Variants in CEP112 observed in about 807,000 individuals in gnomAD.
CEP112 encodes the protein centrosomal protein of 112 kDa.
CEP112 carries 127 observed loss-of-function variants against 153.0 expected under a neutral mutation model. The observed-to-expected ratio is 0.83, with a 90% confidence interval of 0.72 to 0.96. CEP112 has a LOEUF of 0.96. Among genes scored for constraint, CEP112 ranks in the 40% least tolerant of loss-of-function variants. The pLI is 0.00. For synonymous variants in CEP112, 358 were observed against 374.4 expected, an observed-to-expected ratio of 0.96 and a Z score of 0.51; for missense variants, 1,089 against 1,101.2, an observed-to-expected ratio of 0.99 and a Z score of 0.16.
chr17:65,746,056 T>C (rs2051431427), intron 22 of CEP112, among the ~76,000 whole-genome samples: 1 of 145,924 alleles, frequency 6.9e-6, no homozygotes, highest in African/African-American at 2.6e-5. Flanking sequence ...TCCCAGCTAC[T>C]AGGGAGGCTG....
At chr17:66,040,531 C>T (rs1202002808) in intron 12 of CEP112, among the ~76,000 whole-genome samples, 6 of 134,864 alleles carry the variant, frequency 4.4e-5, no homozygotes, top group Admixed American at 1.8e-4. Flanking sequence ...TTGCTGTGCT[C>T]TGTTGCCCAG....
chr17:66,061,596 T>C (rs1017464098), intron 11 of CEP112, among the ~76,000 whole-genome samples: 3 of 120,284 alleles, frequency 2.5e-5, no homozygotes, highest in African/African-American at 9.6e-5. Flanking sequence ...ACACACACAC[T>C]GGAATACTAT....
At chr17:65,820,569 C>A (rs999061701) in intron 21 of CEP112, among the ~76,000 whole-genome samples, 3 of 152,082 alleles carry the variant, frequency 2.0e-5, no homozygotes, top group African/African-American at 7.2e-5. Flanking sequence ...ATCCATTTTA[C>A]AGCCTCTCTG....
intron 21 of CEP112, among the ~76,000 whole-genome samples, chr17:65,762,119 C>T (rs1175724763): frequency 6.6e-6 from 1 of 151,950 alleles, no homozygotes; most frequent in Non-Finnish European, 1.5e-5. Flanking sequence ...CTGTTAGGTA[C>T]ATATACACCT....
chr17:65,814,725 T>G (rs555793021), intron 21 of CEP112, among the ~76,000 whole-genome samples: 123 of 152,280 alleles, frequency 8.1e-4, no homozygotes, highest in Non-Finnish European at 1.6e-3. Context: ...AGTTGTGTGA[T>G]TATGTTTGCT....
At chr17:66,005,140 A>G (rs2064219178) in intron 17 of CEP112, among the ~76,000 whole-genome samples, 1 of 152,220 alleles carries the variant, frequency 6.6e-6, no homozygotes, top group Admixed American at 6.5e-5. Context: ...TCAGCTAAAA[A>G]CTGCAAGGTC....
At chr17:65,922,656 T>A (rs2060777094) in intron 19 of CEP112, among the ~76,000 whole-genome samples, 1 of 152,158 alleles carries the variant, frequency 6.6e-6, no homozygotes, top group African/African-American at 2.4e-5. Context: ...TCCTGTAGTA[T>A]CATAACCTCT....
intron 16 of CEP112, among the ~76,000 whole-genome samples, chr17:66,025,155 A>G (rs899249444): frequency 3.3e-5 from 5 of 152,158 alleles, no homozygotes; most frequent in African/African-American, 7.2e-5. Context: ...TCAAAGAATT[A>G]AATGTAGGAC....
At chr17:65,705,675 T>G (rs531638124) in intron 23 of CEP112, among the ~76,000 whole-genome samples, 2 of 152,304 alleles carry the variant, frequency 1.3e-5, no homozygotes, top group East Asian at 3.9e-4. Context: ...ACTGACTTGG[T>G]TTCTGCAAGA....
chr17:65,705,010 C>A (rs942814599), intron 23 of CEP112, among the ~76,000 whole-genome samples: 1 of 152,202 alleles, frequency 6.6e-6, no homozygotes, highest in Non-Finnish European at 1.5e-5. Context: ...ACAAAGCATA[C>A]ACGTGATGGT....
intron 4 of CEP112, among the ~76,000 whole-genome samples, chr17:66,146,307 T>C (rs1169858427): frequency 6.6e-6 from 1 of 152,062 alleles, no homozygotes; most frequent in African/African-American, 2.4e-5. Context: ...TATAGAGCTA[T>C]TCAGATTTCC....
chr17:65,833,100 A>G (rs2057155433), intron 21 of CEP112, among the ~76,000 whole-genome samples: 3 of 152,186 alleles, frequency 2.0e-5, no homozygotes, highest in African/African-American at 7.2e-5. Context: ...AACTAAAGAC[A>G]AAAACCACAT....
intron 20 of CEP112, among the ~76,000 whole-genome samples, chr17:65,891,910 C>T (rs539079299): frequency 6.6e-5 from 10 of 152,180 alleles, no homozygotes; most frequent in Admixed American, 3.3e-4. Context: ...TTTGGAGAGG[C>T]GTTCTCTGAT....
intron 17 of CEP112, among the ~76,000 whole-genome samples, chr17:65,963,393 G>T (rs962689791): frequency 7.2e-5 from 11 of 152,164 alleles, no homozygotes; most frequent in African/African-American, 2.4e-4. Context: ...AAAGTAATAC[G>T]AGTTTTTCCA....
intron 21 of CEP112, among the ~76,000 whole-genome samples, chr17:65,775,934 C>T (rs975305657): frequency 6.6e-6 from 1 of 152,158 alleles, no homozygotes; most frequent in African/African-American, 2.4e-5. Context: ...GTTTTAAATC[C>T]GTTCAATTAA....
At position 65,841,208 on chromosome 17, in the gene CEP112, T is replaced by C. The variant is rs557122062; in HGVS notation, c.2394+10596A>G. Among the ~76,000 whole-genome samples the C allele has an allele frequency of 3.1e-4, 47 of 152,210 alleles. 1 individual carries two copies. The highest frequency in any genetic ancestry group is 1.0e-3 in the African/African-American group (43 of 41,568). On this transcript the variant is annotated intron_variant, in intron 21 of 26. Transcript: ENST00000535342. ...AGAGAGATCTGCACTCCCATGTTTA[T>C]TGGAGCATTATTCACCATAGCAAAG...
chr17:65,838,628 G>T (rs1384474903), intron 21 of CEP112, among the ~76,000 whole-genome samples: 3 of 151,942 alleles, frequency 2.0e-5, no homozygotes, highest in African/African-American at 7.2e-5. Flanking sequence ...CCCCAGATTT[G>T]TAGAATAAAT....
intron 12 of CEP112, among the ~76,000 whole-genome samples, chr17:66,041,710 G>A (rs1598204370): frequency 6.6e-6 from 1 of 152,080 alleles, no homozygotes; most frequent in African/African-American, 2.4e-5. Context: ...GCCAAAGCTG[G>A]AACAATTTGA....
chr17:65,768,099 T>A (rs138620305), intron 21 of CEP112, among the ~76,000 whole-genome samples: 27 of 152,160 alleles, frequency 1.8e-4, no homozygotes, highest in African/African-American at 6.3e-4. Context: ...ACCCCAAAAC[T>A]TAACTACTAA....
Sources: gnomAD v4.1 joint callset for allele counts (sites outside exome capture counted in the v4.1 genomes callset) on GRCh38, gnomAD v4.1.1 for gene constraint, MANE v1.5 for transcripts, NCBI Gene and HGNC (gene_info 2026-07-23, HGNC 2026-07-21) for gene names.